The following SLC2A10 variants were observed in gnomAD, a reference collection of about 807,000 sequenced individuals.
The protein encoded by SLC2A10 is solute carrier family 2, facilitated glucose transporter member 10.
SLC2A10 carries 25 observed loss-of-function variants against 32.1 expected under a neutral mutation model. That is an observed-to-expected ratio of 0.78 (90% CI 0.57 to 1.09). The LOEUF (loss-of-function observed/expected upper bound fraction) is 1.09, where lower values mean the gene tolerates loss of function less well. SLC2A10 is among the 50% of genes least tolerant of loss of function. SLC2A10 has a pLI of 0.00. For missense variants in SLC2A10, 673 were observed against 686.5 expected (o/e 0.98, Z 0.22); for synonymous variants, 332 against 309.6 (o/e 1.07, Z -0.76).
chr20:46,722,435 A>C (rs551203952), intron 1 of SLC2A10, among the ~76,000 whole-genome samples: 1 of 152,248 alleles, frequency 6.6e-6, no homozygotes, highest in East Asian at 1.9e-4. Context: ...AGCTTTTAGC[A>C]TAAAACATGT....
chr20:46,716,089 C>T (rs1339456617), intron 1 of SLC2A10, among the ~76,000 whole-genome samples: 2 of 152,054 alleles, frequency 1.3e-5, no homozygotes, highest in African/African-American at 4.8e-5. Context: ...CTTTACCCCC[C>T]TGATGATCAC....
At chr20:46,731,532 G>A (rs1203464517) in intron 4 of SLC2A10, among the ~76,000 whole-genome samples, 1 of 152,160 alleles carries the variant, frequency 6.6e-6, no homozygotes, top group Non-Finnish European at 1.5e-5. Context: ...AACGCTGGTG[G>A]GAGCCAGCTT....
chr20:46,720,515 G>A (rs1432438102), intron 1 of SLC2A10, among the ~76,000 whole-genome samples: 1 of 152,020 alleles, frequency 6.6e-6, no homozygotes. Context: ...TTCATCTTTA[G>A]CCAATGGTCC....
In SLC2A10 at chr20:46,725,728, G is replaced by A. The variant is rs771028960; in HGVS notation, c.692G>A (p.Arg231Gln). 1.3e-5 allele frequency: 21 copies of A among 1,614,034 alleles called. No individual in the cohort carries two copies. Among genetic ancestry groups the A allele is most frequent in the East Asian group, 1.1e-4 (5 of 44,890 alleles). ...LFRARDNMRG[R>Q]TTVGLGLVLF... ...AGGGCACGCGATAACATGCGAGGCC[G>A]GACCACAGTGGGCCTGGGGCTGGTG... The change falls in exon 2 of 5, where the codon CGG becomes CAG. Residue 231 changes from arginine (R) to glutamine (Q), a missense_variant. Coordinates refer to ENST00000359271, the MANE Select transcript of SLC2A10 (RefSeq NM_030777.4).
chr20:46,720,929 T>C (rs1979516159), intron 1 of SLC2A10, among the ~76,000 whole-genome samples: 1 of 152,218 alleles, frequency 6.6e-6, no homozygotes. Flanking sequence ...AATCATCTTA[T>C]ATCTACTAGT....
At chr20:46,729,669 T>G (rs1980186922) in intron 4 of SLC2A10, among the ~76,000 whole-genome samples, 181 bp downstream of exon 4, 7 of 123,024 alleles carry the variant, frequency 5.7e-5, no homozygotes, top group African/African-American at 3.1e-5. Flanking sequence ...TGAGATGGAG[T>G]CTCGCTCTGT....
intron 1 of SLC2A10, chr20:46,710,117 G>A (rs544619423): frequency 1.5e-4 from 68 of 453,398 alleles, no homozygotes; most frequent in African/African-American, 1.3e-3. Flanking sequence ...CGCTGAGCGC[G>A]GTTGTGCCCC....
chr20:46,720,276 G>A (rs1188157428), intron 1 of SLC2A10, among the ~76,000 whole-genome samples: 1 of 152,132 alleles, frequency 6.6e-6, no homozygotes, highest in African/African-American at 2.4e-5. Context: ...GATTCATGAG[G>A]ACTGGAAGGG....
intron 1 of SLC2A10, among the ~76,000 whole-genome samples, chr20:46,716,910 C>A (rs530392032): frequency 6.6e-6 from 1 of 152,166 alleles, no homozygotes; most frequent in East Asian, 1.9e-4. Flanking sequence ...GTAGTCCCAG[C>A]TACTCGGGAG....
rs1214639442 is a variant in SLC2A10, at chr20:46,733,966, C to T, written c.*132C>T. 1 of 823,846 alleles carries T rather than the reference C, an allele frequency of 1.2e-6. No homozygotes were observed. 51.0% of individuals were successfully genotyped at this position (823,846 alleles called of 1,614,324 possible). A position where few individuals can be genotyped will look rare whatever the true frequency, so the allele number is the denominator to read the frequency against. On this transcript the variant is annotated 3_prime_UTR_variant, in exon 5 of 5. Transcript: ENST00000359271. ...GGCCCCTGCCCCCAAAGGTGGTCTGCTTTTGCTGGGGTAAAAAGGATGAAA... is the reference window on the plus strand; with the variant it reads ...GGCCCCTGCCCCCAAAGGTGGTCTGTTTTTGCTGGGGTAAAAAGGATGAAA...
chr20:46,718,685 T>G (rs1292728985), intron 1 of SLC2A10, among the ~76,000 whole-genome samples: 5 of 152,118 alleles, frequency 3.3e-5, no homozygotes, highest in African/African-American at 1.2e-4. Context: ...ATTCAAGATT[T>G]TTAATCTTTA....
chr20:46,728,919 C>T (rs1366359003), intron 3 of SLC2A10, among the ~76,000 whole-genome samples: 2 of 151,938 alleles, frequency 1.3e-5, no homozygotes, highest in Non-Finnish European at 2.9e-5. Flanking sequence ...ACCACTGCAC[C>T]AAGCCCAATT....
intron 4 of SLC2A10, among the ~76,000 whole-genome samples, chr20:46,732,450 C>A (rs966260504): frequency 5.3e-5 from 8 of 152,126 alleles, no homozygotes; most frequent in African/African-American, 1.9e-4. Flanking sequence ...AAGGAAGTTA[C>A]ATTTTAATGT....
rs1459028821 is a variant in SLC2A10 at position 46,725,009 on chromosome 20, C to T, written c.5-32C>T. On this transcript the variant is annotated intron_variant, in intron 1 of 4. Coordinates refer to ENST00000359271, the MANE Select transcript of SLC2A10 (RefSeq NM_030777.4). ...ATGGATGGTATGACAAGGAACCATT[C>T]TAACTCTGTCCCTCTCACTTTTGTT... 2.5e-6 allele frequency: 4 copies of T among 1,614,012 alleles called. No homozygotes were observed. The African/African-American group carries it at 5.3e-5, about 22-fold the overall frequency.
chr20:46,727,031 C>T, intron 3 of SLC2A10, 45 bp downstream of exon 3: 1 of 1,613,870 alleles, frequency 6.2e-7, no homozygotes. Context: ...GTGGCCCAAG[C>T]TCCCTACTCT....
chr20:46,715,411 C>T (rs1979177677), intron 1 of SLC2A10, among the ~76,000 whole-genome samples: 1 of 152,152 alleles, frequency 6.6e-6, no homozygotes, highest in Non-Finnish European at 1.5e-5. Context: ...TGGGCTTTCA[C>T]CTCGATTGCT....
upstream of SLC2A10, among the ~76,000 whole-genome samples, chr20:46,708,648 A>G (rs913610712): frequency 2.0e-5 from 3 of 152,200 alleles, no homozygotes; most frequent in African/African-American, 7.2e-5. Flanking sequence ...ACCTTGCAAC[A>G]GCCTCCCAGG....
chr20:46,731,641 G>A (rs1490728242), intron 4 of SLC2A10, among the ~76,000 whole-genome samples: 1 of 152,134 alleles, frequency 6.6e-6, no homozygotes, highest in Non-Finnish European at 1.5e-5. Context: ...TGGAGGCTGG[G>A]TCTGCTATGA....
At chr20:46,721,431 A>G (rs1979546778) in intron 1 of SLC2A10, among the ~76,000 whole-genome samples, 2 of 151,352 alleles carry the variant, frequency 1.3e-5, no homozygotes, top group Admixed American at 1.3e-4. Context: ...CAAATCCCTC[A>G]ATTAGCAAAA....
Sources: allele counts gnomAD v4.1 joint callset (sites outside exome capture counted in the v4.1 genomes callset), GRCh38; gene constraint gnomAD v4.1.1; transcripts MANE v1.5; gene names NCBI Gene and HGNC (gene_info 2026-07-23, HGNC 2026-07-21).